Variants in TXNDC8 observed in about 807,000 individuals in gnomAD.
TXNDC8 encodes thioredoxin domain containing 8.
Under a neutral mutation model 12.9 loss-of-function variants are expected in TXNDC8, and 15 were observed. The ratio of observed to expected loss-of-function variants is 1.16; its 90% confidence interval spans 0.78 to 1.79. The LOEUF (loss-of-function observed/expected upper bound fraction) is 1.79. Ranked by LOEUF, TXNDC8 falls within the 40% of genes most tolerant of loss-of-function variation. The probability of loss-of-function intolerance (pLI) is 0.00; values close to 1 mark genes in which losing one functional copy is unlikely to be tolerated. For missense variants in TXNDC8, 128 were observed against 113.2 expected (o/e 1.13, Z -0.59); for synonymous variants, 40 against 35.4 (o/e 1.13, Z -0.46).
At chr9:110,323,835 C>A (rs1387963365) in intron 3 of TXNDC8, 1 of 1,542,388 alleles carries the variant, frequency 6.5e-7, no homozygotes. Context: ...CTCATATCTT[C>A]CCAAATTCAA....
At chr9:110,322,169 C>G (rs1394638818) in intron 3 of TXNDC8, among the ~76,000 whole-genome samples, 2 of 135,684 alleles carry the variant, frequency 1.5e-5, no homozygotes, top group Non-Finnish European at 1.6e-5. Flanking sequence ...TATAATGTGA[C>G]ATAAATGGTC....
In TXNDC8 at chr9:110,304,506, T is replaced by G. The variant is rs371720490; in HGVS notation, c.222A>C (p.Arg74Ser). The G allele has an allele frequency of 6.2e-7, 1 of 1,610,232 alleles. No individual in the cohort carries two copies. Among genetic ancestry groups the G allele is most frequent in the African/African-American group, 1.3e-5 (1 of 74,878 alleles). The change falls in exon 4 of 5, where the codon AGA becomes AGC. Residue 74 changes from arginine (R) to serine (S), a missense_variant. By Grantham distance (110) the Arg-to-Ser change is moderately radical. Transcript: ENST00000423740. ...ATCCACTTCTATAACAGCAAATTAT[T>G]CTTTTGATTCTTGAGAATAGGGTTA...
chr9:110,309,834 G>A (rs2118723761), intron 3 of TXNDC8, among the ~76,000 whole-genome samples: 1 of 152,084 alleles, frequency 6.6e-6, no homozygotes, highest in East Asian at 1.9e-4. Context: ...CTAGGCCACG[G>A]CTCAGTTCCT....
intron 2 of TXNDC8, among the ~76,000 whole-genome samples, chr9:110,328,035 C>T (rs1839400845): frequency 6.6e-6 from 1 of 152,196 alleles, no homozygotes; most frequent in Admixed American, 6.5e-5. Flanking sequence ...CTATTATGCT[C>T]TGGGCACCAT....
intron 3 of TXNDC8, among the ~76,000 whole-genome samples, chr9:110,315,460 T>A (rs904754651): frequency 6.6e-6 from 1 of 152,116 alleles, no homozygotes. Context: ...GTACTGCTGC[T>A]GCAAAATGCA....
chr9:110,323,133 C>T, intron 3 of TXNDC8: 1 of 985,156 alleles, frequency 1.0e-6, no homozygotes, highest in Non-Finnish European at 1.2e-6. Context: ...ATCTGGAGAA[C>T]AGAGATATGG....
intron 2 of TXNDC8, among the ~76,000 whole-genome samples, chr9:110,331,112 G>A (rs773209581): frequency 6.6e-6 from 1 of 152,206 alleles, no homozygotes; most frequent in Non-Finnish European, 1.5e-5. Flanking sequence ...TGCAGCTAGA[G>A]TTCTGGATGC....
intron 3 of TXNDC8, among the ~76,000 whole-genome samples, chr9:110,308,524 C>A (rs1838545050): frequency 6.6e-6 from 1 of 151,866 alleles, no homozygotes; most frequent in Non-Finnish European, 1.5e-5. Flanking sequence ...TTGACCTACT[C>A]TACCTGACTT....
chr9:110,315,615 T>C (rs1300600718), intron 3 of TXNDC8, among the ~76,000 whole-genome samples: 2 of 152,092 alleles, frequency 1.3e-5, no homozygotes, highest in Admixed American at 1.3e-4. Flanking sequence ...GTTTTGATCT[T>C]CTTGCCTCAG....
intron 3 of TXNDC8, among the ~76,000 whole-genome samples, chr9:110,313,199 C>A (rs1312250855): frequency 1.3e-5 from 2 of 152,140 alleles, no homozygotes; most frequent in Non-Finnish European, 2.9e-5. Flanking sequence ...AGCCACCATG[C>A]CTGCCCCTAC....
rs79492950 is a variant in TXNDC8, at chr9:110,333,384, G to C, written c.129+832C>G. The stretch of plus-strand genomic sequence containing the variant: ...ATACCTGATGATCTGAGGCGGAACA[G>C]TTTCTTCCTGAAACCATCCCGGCAC... On this transcript the variant is annotated intron_variant, in intron 2 of 4. Coordinates refer to ENST00000423740, the MANE Select transcript of TXNDC8 (RefSeq NM_001286946.2). Among the ~76,000 whole-genome samples the C allele has an allele frequency of 9.9e-3, 1,507 of 152,256 alleles. 23 individuals carry two copies. The highest frequency in any genetic ancestry group is 0.034 in the African/African-American group (1,411 of 41,528).
chr9:110,321,768 C>T (rs1839106066), intron 3 of TXNDC8, among the ~76,000 whole-genome samples: 2 of 149,526 alleles, frequency 1.3e-5, no homozygotes, highest in Admixed American at 1.3e-4. Context: ...GTCTTTTTGG[C>T]TGGCCATCCA....
chr9:110,313,121 G>C (rs987900092), intron 3 of TXNDC8, among the ~76,000 whole-genome samples: 4 of 152,070 alleles, frequency 2.6e-5, no homozygotes, highest in African/African-American at 9.7e-5. Flanking sequence ...GGCCAGGCTG[G>C]TCTTGAACTC....
chr9:110,321,724 G>A (rs1224896449), intron 3 of TXNDC8, among the ~76,000 whole-genome samples: 18 of 141,782 alleles, frequency 1.3e-4, no homozygotes, highest in South Asian at 2.2e-4. Context: ...TCAGTTCTAT[G>A]AAAAAAAAAA....
At chr9:110,321,595 A>G (rs1313013704) in intron 3 of TXNDC8, among the ~76,000 whole-genome samples, 1 of 152,180 alleles carries the variant, frequency 6.6e-6, no homozygotes, top group Non-Finnish European at 1.5e-5. Flanking sequence ...GTCAGTTTTC[A>G]GTTGCGCTGT....
At chr9:110,308,463 T>TTG (rs749903399) in intron 3 of TXNDC8, among the ~76,000 whole-genome samples, 1 of 128,826 alleles carries the variant, frequency 7.8e-6, no homozygotes, top group Non-Finnish European at 1.6e-5. Flanking sequence ...AGAGATCACA[T>TTG]TGTTTTTTTT....
At chr9:110,303,839 A>C (rs1404407569) in intron 4 of TXNDC8, 1 of 719,172 alleles carries the variant, frequency 1.4e-6, no homozygotes, top group African/African-American at 1.8e-5. Context: ...TTAATCTAAG[A>C]TCTAAAACGT....
intron 2 of TXNDC8, among the ~76,000 whole-genome samples, 156 bp downstream of exon 3, chr9:110,329,076 A>C (rs903981259): frequency 6.6e-6 from 1 of 152,236 alleles, no homozygotes; most frequent in East Asian, 1.9e-4. Flanking sequence ...AAAACATATA[A>C]GAGCATAATG....
intron 3 of TXNDC8, among the ~76,000 whole-genome samples, chr9:110,305,779 TTTTCTTTTC>T (rs1351222602): frequency 4.2e-5 from 4 of 94,140 alleles, no homozygotes; most frequent in Non-Finnish European, 6.6e-5. Context: ...TTTTCTTTTC[TTTTCTTTTC>T]TTTCTTTTCT....
Sources: gnomAD v4.1 joint callset for allele counts (sites outside exome capture counted in the v4.1 genomes callset) on GRCh38, gnomAD v4.1.1 for gene constraint, MANE v1.5 for transcripts, NCBI Gene and HGNC (gene_info 2026-07-23, HGNC 2026-07-21) for gene names.